Variants in SRP19 observed in about 807,000 individuals in gnomAD.
The protein encoded by SRP19 is signal recognition particle 19 kDa protein.
In SRP19, 11 loss-of-function variants were observed where a neutral mutation model predicts 22.4. That is an observed-to-expected ratio of 0.49 (90% CI 0.31 to 0.81). The LOEUF is 0.81. Ranked by LOEUF, SRP19 falls within the 40% of genes least tolerant of loss-of-function variation. SRP19 has a pLI of 0.05. For synonymous variants in SRP19, 61 were observed against 57.6 expected (o/e 1.06, Z -0.27); for missense variants, 168 against 175.9 (o/e 0.96, Z 0.25).
intron 4 of SRP19, chr5:112,864,992 C>T: frequency 3.5e-6 from 1 of 286,828 alleles, no homozygotes; most frequent in Non-Finnish European, 6.4e-6. Flanking sequence ...GGAAGTCTGT[C>T]ATTGCTCCCA....
At chr5:112,875,359 G>C (rs1767870171) in intron 4 of SRP19, among the ~76,000 whole-genome samples, 1 of 128,818 alleles carries the variant, frequency 7.8e-6, no homozygotes, top group Non-Finnish European at 1.7e-5. Context: ...AGTACGTTTT[G>C]TTTTTGTTTT....
chr5:112,885,818 A>T, intron 4 of SRP19: 1 of 207,384 alleles, frequency 4.8e-6, no homozygotes, highest in Middle Eastern at 7.6e-4. Flanking sequence ...GGTAGTGAAA[A>T]TCAAGGAAGC....
intron 4 of SRP19, chr5:112,876,326 T>C (rs1561643350): frequency 6.6e-6 from 1 of 152,204 alleles, no homozygotes; most frequent in Admixed American, 6.5e-5. Context: ...ACTTAAAACT[T>C]TCCTTAAATA....
chr5:112,871,650 C>T (rs911431469), downstream of SRP19, among the ~76,000 whole-genome samples: 6 of 151,248 alleles, frequency 4.0e-5, no homozygotes, highest in East Asian at 2.0e-4. Context: ...CCCAGCTACT[C>T]GGGAGGCTGA....
intron 4 of SRP19, among the ~76,000 whole-genome samples, chr5:112,889,451 G>A (rs460832): frequency 0.43 from 65,147 of 150,096 alleles, 16,751 homozygotes; most frequent in African/African-American, 0.68. Context: ...AAGTAAATAG[G>A]ATGATAAAGA....
downstream of SRP19, among the ~76,000 whole-genome samples, chr5:112,871,619 G>T (rs956050823): frequency 9.2e-5 from 14 of 152,144 alleles, no homozygotes; most frequent in African/African-American, 3.1e-4. Context: ...CTAGCCAGGC[G>T]TGGTGGTGGG....
At chr5:112,887,791 ATTTTT>A (rs1007441155) in intron 4 of SRP19, among the ~76,000 whole-genome samples, 4 of 151,488 alleles carry the variant, frequency 2.6e-5, no homozygotes, top group Admixed American at 6.6e-5. Flanking sequence ...TGCCATTGAG[ATTTTT>A]TTTTAATTGA....
chr5:112,890,093 C>G (rs1391230440), intron 4 of SRP19, among the ~76,000 whole-genome samples: 1 of 150,288 alleles, frequency 6.7e-6, no homozygotes, highest in Non-Finnish European at 1.5e-5. Context: ...TCCCAAAGTG[C>G]TGGGATTACA....
chr5:112,865,289 C>G (rs981161832), intron 4 of SRP19: 5 of 152,134 alleles, frequency 3.3e-5, no homozygotes, highest in African/African-American at 4.8e-5. Context: ...GAGTAGTCAC[C>G]TAATGGTGAG....
At chr5:112,886,417 T>G (rs1426181726) in intron 4 of SRP19, among the ~76,000 whole-genome samples, 1 of 152,244 alleles carries the variant, frequency 6.6e-6, no homozygotes, top group Non-Finnish European at 1.5e-5. Flanking sequence ...ATGGAATTCA[T>G]GAATGGCTCT....
chr5:112,868,106 C>G lies in SRP19; in HGVS notation c.*569C>G, dbSNP rs1767667053. On this transcript the variant is annotated 3_prime_UTR_variant, in exon 5 of 5. Coordinates refer to ENST00000505459, the MANE Select transcript of SRP19 (RefSeq NM_003135.3). ...AATATATTATTGTAATCGAATCGTT[C>G]AGTTGTTTTTTGACATGGAAAGTCC... 6.1e-6 allele frequency: 6 copies of G among 985,220 alleles called. No individual in the cohort carries two copies. The highest frequency in any genetic ancestry group is 4.7e-5 in the South Asian group (1 of 21,280). 61.0% of individuals were successfully genotyped at this position (985,220 alleles called of 1,614,324 possible).
chr5:112,869,808 C>T (rs952082529), downstream of SRP19: 2 of 152,412 alleles, frequency 1.3e-5, no homozygotes, highest in Admixed American at 1.3e-4. Context: ...AAGGTGCCTG[C>T]TTCTCCTTGC....
At chr5:112,891,696 A>G in exon 5 of SRP19, 5 of 1,614,120 alleles carry the variant, frequency 3.1e-6, no homozygotes, top group Non-Finnish European at 3.4e-6. Flanking sequence ...CAGAGAAACC[A>G]AGCCACAAAA....
chr5:112,874,359 G>C (rs751116954), downstream of SRP19, among the ~76,000 whole-genome samples: 5 of 152,072 alleles, frequency 3.3e-5, no homozygotes, highest in Admixed American at 6.5e-5. Flanking sequence ...CTCCATACTA[G>C]GATCCATACT....
chr5:112,887,213 C>T (rs1345357634), intron 4 of SRP19: 2 of 1,533,578 alleles, frequency 1.3e-6, no homozygotes, highest in Admixed American at 3.5e-5. Flanking sequence ...GCATGGGTAA[C>T]AGGAGGGTGG....
downstream of SRP19, chr5:112,893,475 A>G: frequency 6.3e-6 from 1 of 158,696 alleles, no homozygotes; most frequent in Non-Finnish European, 1.4e-5. Flanking sequence ...CATTCAATCC[A>G]ATGGGATTCA....
chr5:112,861,292 G>C lies in SRP19; in HGVS notation c.-85G>C. On this transcript the variant is annotated 5_prime_UTR_variant, in exon 1 of 5. Transcript: ENST00000505459. The stretch of plus-strand genomic sequence containing the variant: ...AGGACTTCCGGCGGAAAAGCGGGCT[G>C]TCTCGGAAACTCAGAGCCGGGTTCC... 1 of 1,519,818 alleles carries C rather than the reference G, an allele frequency of 6.6e-7. No homozygotes were observed. Among genetic ancestry groups the C allele is most frequent in the Non-Finnish European group, 9.1e-7 (1 of 1,094,486 alleles). The allele number at this position is 1,519,818 out of a possible 1,614,324, so 94.1% of individuals were successfully genotyped here.
exon 5 of SRP19, chr5:112,892,738 G>T (rs560977214): frequency 1.9e-6 from 3 of 1,614,028 alleles, no homozygotes; most frequent in South Asian, 2.2e-5. Flanking sequence ...CAAGAACTCC[G>T]AGAGGAGGGA....
chr5:112,878,491 A>C (rs920935371), intron 4 of SRP19: 2 of 385,804 alleles, frequency 5.2e-6, no homozygotes, highest in African/African-American at 4.1e-5. Context: ...GGGGTATATA[A>C]TTTTATTTTA....
Sources: allele counts gnomAD v4.1 joint callset (sites outside exome capture counted in the v4.1 genomes callset), GRCh38; gene constraint gnomAD v4.1.1; transcripts MANE v1.5; gene names NCBI Gene and HGNC (gene_info 2026-07-23, HGNC 2026-07-21).